NENF: variants seen among roughly 807,000 people sequenced by gnomAD.
NENF encodes neudesin neurotrophic factor, also known as neudesin.
NENF carries 6 observed loss-of-function variants against 14.8 expected under a neutral mutation model. The ratio of observed to expected loss-of-function variants is 0.40; its 90% CI spans 0.22 to 0.80. The LOEUF (loss-of-function observed/expected upper bound fraction) is 0.80, where lower values mean the gene tolerates loss of function less well. Ranked by LOEUF, NENF falls within the 30% of genes least tolerant of loss-of-function variation. NENF has a pLI of 0.34. For missense variants in NENF, 184 were observed against 212.7 expected (o/e 0.87, Z 0.84); for synonymous variants, 76 against 95.1 (o/e 0.80, Z 1.17).
chr1:212,436,482 G>T (rs1375946442), intron 1 of NENF, among the ~76,000 whole-genome samples: 1 of 151,946 alleles, frequency 6.6e-6, no homozygotes, highest in African/African-American at 2.4e-5. Flanking sequence ...GCTACTTTTG[G>T]TATTTTTAGT....
chr1:212,443,893 A>T (rs1662734862), intron 2 of NENF, among the ~76,000 whole-genome samples: 2 of 151,684 alleles, frequency 1.3e-5, no homozygotes, highest in Non-Finnish European at 2.9e-5. Context: ...AAAAAAAAAT[A>T]CAAAAATTAG....
Position 212,433,133 on chromosome 1 carries a change from G to A in NENF, c.177+13G>A. On this transcript the variant is annotated intron_variant, in intron 1 of 3. Coordinates refer to ENST00000366988, the MANE Select transcript of NENF (RefSeq NM_013349.5). The surrounding 1 kb of genome is among the most constrained non-coding windows in gnomAD (Gnocchi z 5.5). ...TGGCGGGGAGGAGGTAGGCGGGGGT[G>A]TCGCGGGCCGAGGGACCCGGGGTGG... The A allele has an allele frequency of 8.5e-7, 1 of 1,178,968 alleles. No individual in the cohort carries two copies. The highest frequency in any genetic ancestry group is 1.0e-6 in the Non-Finnish European group (1 of 952,716). The allele number at this position is 1,178,968 out of a possible 1,614,324, so 73.0% of individuals were successfully genotyped here.
Position 212,433,321 on chromosome 1 carries a change from G to T in NENF, c.177+201G>T, listed in dbSNP as rs1419838192. Among the ~76,000 whole-genome samples, 2 of 152,056 alleles carry T rather than the reference G, an allele frequency of 1.3e-5. No individual in the cohort carries two copies. Among genetic ancestry groups the T allele is most frequent in the African/African-American group, 4.8e-5 (2 of 41,430 alleles). ...GGGTGAGGACGAGTCCTCAACAGTC[G>T]GAGCGCTCCGCTTTGCCCGCACACC... On this transcript the variant is annotated intron_variant, in intron 1 of 3. Transcript: ENST00000366988. The surrounding 1 kb of genome is among the most constrained non-coding windows in gnomAD (Gnocchi z 5.5).
At chr1:212,434,635 C>T (rs922783239) in intron 1 of NENF, 2 of 152,230 alleles carry the variant, frequency 1.3e-5, no homozygotes, top group Admixed American at 1.3e-4. Context: ...CCCCTAGATT[C>T]TCCCTCTGTG....
intron 1 of NENF, among the ~76,000 whole-genome samples, chr1:212,437,697 A>G (rs527840): frequency 0.44 from 66,806 of 151,984 alleles, 15,330 homozygotes; most frequent in East Asian, 0.68. Flanking sequence ...CCTGGCTGTC[A>G]GTGTCTTTCA....
intron 1 of NENF, among the ~76,000 whole-genome samples, chr1:212,437,929 A>G (rs942174731): frequency 3.9e-5 from 6 of 152,160 alleles, no homozygotes; most frequent in Admixed American, 2.6e-4. Flanking sequence ...CGAGCTGGAA[A>G]GATCGCTTAA....
At chr1:212,434,770 TCAC>T (rs1043185020) in intron 1 of NENF, 14 of 152,190 alleles carry the variant, frequency 9.2e-5, no homozygotes, top group African/African-American at 3.4e-4. Context: ...AAGAGAGAGT[TCAC>T]CACTGAGGTT....
intron 3 of NENF, 118 bp from the exon 4 acceptor site, chr1:212,445,710 TGA>T (rs566088224): frequency 3.2e-4 from 311 of 970,652 alleles, no homozygotes; most frequent in Non-Finnish European, 4.6e-4. Context: ...TTTGGTTTGT[TGA>T]GATATCTTTT....
intron 1 of NENF, chr1:212,435,003 T>A (rs911225938): frequency 6.6e-6 from 1 of 152,304 alleles, no homozygotes; most frequent in African/African-American, 2.4e-5. Flanking sequence ...GGCAGTTGAG[T>A]GCAGTGGGTT....
intron 1 of NENF, among the ~76,000 whole-genome samples, chr1:212,436,365 C>T (rs1483211531): frequency 7.2e-6 from 1 of 138,380 alleles, no homozygotes; most frequent in Non-Finnish European, 1.5e-5. Flanking sequence ...GGCTGGAGTG[C>T]AGTGGTGTGA....
chr1:212,439,399 A>G (rs472463), intron 1 of NENF, among the ~76,000 whole-genome samples: 65,547 of 149,886 alleles, frequency 0.44, 15,022 homozygotes, highest in East Asian at 0.68. Flanking sequence ...AAAATTAGCC[A>G]AGCATGGTGG....
At chr1:212,438,443 T>A (rs1007598299) in intron 1 of NENF, among the ~76,000 whole-genome samples, 1 of 152,172 alleles carries the variant, frequency 6.6e-6, no homozygotes, top group African/African-American at 2.4e-5. Context: ...GAGAAACCAT[T>A]GACAGGTTAT....
At position 212,446,019 on chromosome 1, in the gene NENF, A is replaced by G; in HGVS notation, c.*13A>G. ...GGATGAGTTCTGATGTTCCCCCTGC[A>G]GGAGCAGGTTCTTGGGAGCGTGAGG... On this transcript the variant is annotated 3_prime_UTR_variant, in exon 4 of 4. Coordinates refer to ENST00000366988, the MANE Select transcript of NENF (RefSeq NM_013349.5). 1.2e-6 allele frequency: 2 copies of G among 1,613,844 alleles called. No homozygotes were observed. Among genetic ancestry groups the G allele is most frequent in the Non-Finnish European group, 1.7e-6 (2 of 1,179,774 alleles).
intron 3 of NENF, 71 bp downstream of exon 3, chr1:212,444,513 C>G (rs2102571682): frequency 1.1e-6 from 1 of 949,532 alleles, no homozygotes; most frequent in East Asian, 2.8e-5. Context: ...TTTTCTTTTT[C>G]TTTTCGTGTG....
chr1:212,438,691 C>T (rs534749267), intron 1 of NENF, among the ~76,000 whole-genome samples: 1 of 148,108 alleles, frequency 6.8e-6, no homozygotes, highest in African/African-American at 2.5e-5. Context: ...GTGATCTTGG[C>T]TCACTGCAAC....
intron 3 of NENF, among the ~76,000 whole-genome samples, chr1:212,445,368 G>A (rs1264852152): frequency 6.6e-6 from 1 of 152,136 alleles, no homozygotes; most frequent in Non-Finnish European, 1.5e-5. Flanking sequence ...GATAAATTGA[G>A]ATGAGCCAAA....
intron 1 of NENF, among the ~76,000 whole-genome samples, chr1:212,442,172 C>T (rs558081759): frequency 7.2e-5 from 11 of 152,236 alleles, no homozygotes; most frequent in Admixed American, 2.0e-4. Flanking sequence ...CCACCATGCC[C>T]GGCTAATTTT....
In NENF at chr1:212,433,010, GC is replaced by G; in HGVS notation, c.71del (p.Pro24ArgfsTer45). Reference sequence around the variant, plus strand: ...AGCGCTGGCCCTGGTCCTGGCGCTGGCCCCGGGGCTGCCCACAGCCCGGGCC... The same window carrying G: ...AGCGCTGGCCCTGGTCCTGGCGCTGGCCCGGGGCTGCCCACAGCCCGGGCC... ...LAALALVLAL[A>X]PGLPTARAGQ... is the part of the protein sequence containing the mutation. On this transcript the variant is annotated frameshift_variant, in exon 1 of 4. Transcript: ENST00000366988. LOFTEE classifies it high-confidence loss of function. This position sits in a 1 kb window ranked among gnomAD's most constrained non-coding sequence, Gnocchi z 5.5. 1 of 1,166,444 alleles carries G rather than the reference GC, an allele frequency of 8.6e-7. No homozygotes were observed. Among genetic ancestry groups the G allele is most frequent in the Non-Finnish European group, 1.1e-6 (1 of 945,538 alleles). The allele number at this position is 1,166,444 out of a possible 1,614,324, so 72.3% of individuals were successfully genotyped here. A position where few individuals can be genotyped will look rare whatever the true frequency, so the allele number is the denominator to read the frequency against.
chr1:212,433,532 G>A lies in NENF; in HGVS notation c.177+412G>A, dbSNP rs1044382783. 5.9e-5 allele frequency among the ~76,000 whole-genome samples: 9 copies of A among 152,190 alleles called. No homozygotes were observed. In the East Asian group the frequency reaches 1.7e-3, roughly 29 times the overall value. On this transcript the variant is annotated intron_variant, in intron 1 of 3. Coordinates refer to ENST00000366988, the MANE Select transcript of NENF (RefSeq NM_013349.5). The surrounding 1 kb of genome is among the most constrained non-coding windows in gnomAD (Gnocchi z 5.5). ...GAGGGAAGCAGAGCCTGCTCCCTGG[G>A]TTAGGTGGGAATTGAGACAGGTCCT...
Sources: gnomAD v4.1 joint callset for allele counts (sites outside exome capture counted in the v4.1 genomes callset) on GRCh38, gnomAD v4.1.1 for gene constraint, Gnocchi (gnomAD v3.1) non-coding constraint, MANE v1.5 for transcripts, NCBI Gene and HGNC (gene_info 2026-07-23, HGNC 2026-07-21) for gene names.